The following RNF167 variants were observed in gnomAD, a reference collection of about 807,000 sequenced individuals.
The protein encoded by RNF167 is E3 ubiquitin-protein ligase RNF167.
RNF167 carries 19 observed loss-of-function variants against 34.8 expected under a neutral mutation model. The observed-to-expected ratio is 0.55, with a 90% CI of 0.38 to 0.80. The LOEUF is 0.80. Among genes scored for constraint, RNF167 ranks in the 30% least tolerant of loss-of-function variants. RNF167 has a pLI of 0.00. For synonymous variants in RNF167, 200 were observed against 170.4 expected, an observed-to-expected ratio of 1.17 and a Z score of -1.35; for missense variants, 464 against 447.0, an observed-to-expected ratio of 1.04 and a Z score of -0.34.
chr17:4,943,157 A>G, intron 6 of RNF167, 22 bp from the exon 7 acceptor site: 1 of 1,605,734 alleles, frequency 6.2e-7, no homozygotes, highest in Non-Finnish European at 8.5e-7. Flanking sequence ...CGCCCTGCTG[A>G]GACTGGTCAT....
rs1020397015 is a variant in RNF167, at chr17:4,944,869, C to T, written c.906C>T (p.His302=). The part of the protein sequence containing the change: ...EEGDEGEPRD[H]PASERTPLLG... ...GTGATGAAGGGGAGCCAAGGGACCA[C>T]CCTGCCTCAGAAAGGACCCCACTTT... is the stretch of plus-strand genomic sequence containing the variant. The change falls in exon 10 of 10, where the codon CAC becomes CAT. Residue 302 remains histidine (H), a synonymous_variant. Transcript: ENST00000262482. 6.2e-7 allele frequency: 1 copy of T among 1,613,948 alleles called. No homozygotes were observed. Among genetic ancestry groups the T allele is most frequent in the South Asian group, 1.1e-5 (1 of 91,064 alleles).
chr17:4,943,764 G>A (rs1411469111), intron 8 of RNF167, among the ~76,000 whole-genome samples: 1 of 152,172 alleles, frequency 6.6e-6, no homozygotes, highest in Non-Finnish European at 1.5e-5. Flanking sequence ...GGAGGCTGAG[G>A]CAAGTGGATC....
At chr17:4,944,262 C>T (rs900461321) in intron 8 of RNF167, 9 of 359,332 alleles carry the variant, frequency 2.5e-5, no homozygotes, top group African/African-American at 1.7e-4. Flanking sequence ...GCCCTGGGGC[C>T]TCCAGTGCCC....
chr17:4,943,818 A>AC (rs1971087784), intron 8 of RNF167, among the ~76,000 whole-genome samples: 1 of 151,966 alleles, frequency 6.6e-6, no homozygotes, highest in Non-Finnish European at 1.5e-5. Flanking sequence ...ATGTGGTGAG[A>AC]CCCCATCTCT....
Position 4,940,299 on chromosome 17 carries a change from G to C in RNF167, c.-485G>C, listed in dbSNP as rs1970652951. ...AGCAACTATTCAGCTGCGAGGGGAC[G>C]GGAGAGGTGGTGAGCACTCTCGCGA... On this transcript the variant is annotated 5_prime_UTR_variant, in exon 1 of 10. Coordinates refer to ENST00000262482, the MANE Select transcript of RNF167 (RefSeq NM_015528.3). The C allele has an allele frequency of 5.6e-6, 1 of 178,728 alleles. No individual in the cohort carries two copies. The highest frequency in any genetic ancestry group is 1.2e-5 in the Non-Finnish European group (1 of 86,936). 11.1% of individuals were successfully genotyped at this position (178,728 alleles called of 1,614,324 possible). A position where few individuals can be genotyped will look rare whatever the true frequency, so the allele number is the denominator to read the frequency against.
chr17:4,940,803 G>A lies in RNF167; in HGVS notation c.-107G>A. 1.9e-6 allele frequency: 2 copies of A among 1,030,110 alleles called. No homozygotes were observed. Among genetic ancestry groups the A allele is most frequent in the Non-Finnish European group, 2.7e-6 (2 of 728,510 alleles). The allele number at this position is 1,030,110 out of a possible 1,614,324, so 63.8% of individuals were successfully genotyped here. Reference sequence around the variant, plus strand: ...AGCTGGGAAGTGGGACCTGGGGGTGGTTGGACCCCTGGGATCCTAAAGGAG... The same window carrying A: ...AGCTGGGAAGTGGGACCTGGGGGTGATTGGACCCCTGGGATCCTAAAGGAG... On this transcript the variant is annotated 5_prime_UTR_variant, in exon 2 of 10. Coordinates refer to ENST00000262482, the MANE Select transcript of RNF167 (RefSeq NM_015528.3).
intron 5 of RNF167, 67 bp downstream of exon 5, chr17:4,942,731 G>A (rs1970949019): frequency 1.9e-6 from 3 of 1,591,986 alleles, no homozygotes; most frequent in South Asian, 2.2e-5. Context: ...AAGGCTGAAG[G>A]CCTCAGGAAA....
chr17:4,943,162 G>C lies in RNF167; in HGVS notation c.471-17G>C, dbSNP rs759169887. The C allele has an allele frequency of 6.2e-7, 1 of 1,607,412 alleles. No individual in the cohort carries two copies. Among genetic ancestry groups the C allele is most frequent in the South Asian group, 1.1e-5 (1 of 90,792 alleles). Reference sequence around the variant, plus strand: ...TTGCCTTTCTCGCCCTGCTGAGACTGGTCATCCTTTTCCCAGGGCTCGGGT... The same window carrying C: ...TTGCCTTTCTCGCCCTGCTGAGACTCGTCATCCTTTTCCCAGGGCTCGGGT... On this transcript the variant is annotated splice_polypyrimidine_tract_variant and intron_variant, in intron 6 of 9. Coordinates refer to ENST00000262482, the MANE Select transcript of RNF167 (RefSeq NM_015528.3).
chr17:4,944,371 GCTT>G, intron 8 of RNF167, 184 bp from the exon 9 acceptor site: 1 of 1,323,914 alleles, frequency 7.6e-7, no homozygotes, highest in Non-Finnish European at 9.7e-7. Context: ...TCTTACCTCT[GCTT>G]CTCTTTGCTT....
Position 4,941,056 on chromosome 17 carries a change from C to T in RNF167, c.85-21C>T, listed in dbSNP as rs1970745065. ...GGAAGGGTTGCAGGCTGAAGGGGAACATCGCCTTTTTTGTCCGCAGACCTC... is the reference window on the plus strand; with the variant it reads ...GGAAGGGTTGCAGGCTGAAGGGGAATATCGCCTTTTTTGTCCGCAGACCTC... On this transcript the variant is annotated intron_variant, in intron 2 of 9. Coordinates refer to ENST00000262482, the MANE Select transcript of RNF167 (RefSeq NM_015528.3). 9 of 1,614,096 alleles carry T rather than the reference C, an allele frequency of 5.6e-6. No homozygotes were observed. The East Asian group carries it at 2.0e-4, about 36-fold the overall frequency.
Position 4,942,900 on chromosome 17 carries a change from A to C in RNF167, c.429A>C (p.Arg143Ser). The change falls in exon 6 of 10, where the codon AGA (arginine) becomes AGC (serine). Residue 143 changes from arginine to serine, a missense_variant. Coordinates refer to ENST00000262482, the MANE Select transcript of RNF167 (RefSeq NM_015528.3). The part of the protein sequence containing the change: ...IWIPSVFIGE[R>S]SSEYLRALFV... ...TCCCGTCTGTATTTATTGGGGAGAG[A>C]AGCTCCGAGTACCTGCGTGCCCTCT... The C allele has an allele frequency of 6.2e-7, 1 of 1,614,100 alleles. No homozygotes were observed. Among genetic ancestry groups the C allele is most frequent in the South Asian group, 1.1e-5 (1 of 91,082 alleles).
At chr17:4,944,660 C>T (rs1971203140) in intron 9 of RNF167, 22 bp downstream of exon 9, 4 of 1,614,008 alleles carry the variant, frequency 2.5e-6, no homozygotes, top group South Asian at 1.1e-5. Context: ...ACTGCCTGCC[C>T]ATGCCCCTCT....
chr17:4,945,129 T>G lies in RNF167; in HGVS notation c.*113T>G. Reference sequence around the variant, plus strand: ...CCCAAGCTTCTCCCTTACCCACACCTATCCTTTTGAGGGGCTTTGGGGTGG... The same window carrying G: ...CCCAAGCTTCTCCCTTACCCACACCGATCCTTTTGAGGGGCTTTGGGGTGG... On this transcript the variant is annotated 3_prime_UTR_variant, in exon 10 of 10. Coordinates refer to ENST00000262482, the MANE Select transcript of RNF167 (RefSeq NM_015528.3). 3 of 976,880 alleles carry G rather than the reference T, an allele frequency of 3.1e-6. No homozygotes were observed. Among genetic ancestry groups the G allele is most frequent in the Non-Finnish European group, 4.4e-6 (3 of 680,968 alleles). 60.5% of individuals were successfully genotyped at this position (976,880 alleles called of 1,614,324 possible).
intron 3 of RNF167, among the ~76,000 whole-genome samples, chr17:4,941,833 C>G (rs1162207689): frequency 6.6e-6 from 1 of 152,104 alleles, no homozygotes; most frequent in African/African-American, 2.4e-5. Flanking sequence ...AGGAGAATCA[C>G]TTGAAACCGG....
rs1970729288 is a variant in RNF167, at chr17:4,940,920, C to T, written c.11C>T (p.Ala4Val). Residue 4 changes from alanine to valine, a missense_variant, in exon 2 of 10, where the codon GCA becomes GTA. Transcript: ENST00000262482. MHP[A>V]AFPLPVVVAA... Reference sequence around the variant, plus strand: ...TTTCCTCCCGCTGCCATGCACCCTGCAGCCTTCCCGCTTCCTGTGGTTGTG... The same window carrying T: ...TTTCCTCCCGCTGCCATGCACCCTGTAGCCTTCCCGCTTCCTGTGGTTGTG... 1 of 1,606,720 alleles carries T rather than the reference C, an allele frequency of 6.2e-7. No homozygotes were observed. Among genetic ancestry groups the T allele is most frequent in the Non-Finnish European group, 8.5e-7 (1 of 1,175,494 alleles).
At position 4,943,203 on chromosome 17, in the gene RNF167, C is replaced by CAATA; in HGVS notation, c.496_499dup (p.Thr167LysfsTer55). The CAATA allele has an allele frequency of 6.2e-7, 1 of 1,614,130 alleles. No individual in the cohort carries two copies. Among genetic ancestry groups the CAATA allele is most frequent in the Admixed American group, 1.7e-5 (1 of 60,010 alleles). ...GGGCTCGGGTGCTTCTGGTTCCAGA[C>CAATA]AATACCTTCCCCTTGGGCTATTACC... On this transcript the variant is annotated frameshift_variant, in exon 7 of 10. Coordinates refer to ENST00000262482, the MANE Select transcript of RNF167 (RefSeq NM_015528.3). LOFTEE classifies it high-confidence loss of function.
Position 4,944,595 on chromosome 17 carries a change from A to G in RNF167, c.708A>G (p.Glu236=), listed in dbSNP as rs957035897. ...QYDVCAICLD[E]YEDGDKLRVL... ...ATGTCTGTGCCATTTGCCTGGATGA[A>G]TATGAGGATGGGGACAAGCTGCGGG... Residue 236 remains glutamate, a synonymous_variant, in exon 9 of 10, where the codon GAA becomes GAG. Transcript: ENST00000262482. 10 of 1,610,038 alleles carry G rather than the reference A, an allele frequency of 6.2e-6. No individual in the cohort carries two copies. Among genetic ancestry groups the G allele is most frequent in the Admixed American group, 5.1e-5 (3 of 59,090 alleles).
chr17:4,940,861 C>A lies in RNF167; in HGVS notation c.-49C>A. On this transcript the variant is annotated 5_prime_UTR_variant, in exon 2 of 10. Transcript: ENST00000262482. ...GAGGGCGCAGAACTCCGCTTCTGCT[C>A]CTTGCTACCAGGACGCGCGGCCTCC... 2 of 1,503,508 alleles carry A rather than the reference C, an allele frequency of 1.3e-6. No individual in the cohort carries two copies. The highest frequency in any genetic ancestry group is 2.6e-5 in the South Asian group (2 of 76,332). The allele number at this position is 1,503,508 out of a possible 1,614,324, so 93.1% of individuals were successfully genotyped here. A position where few individuals can be genotyped will look rare whatever the true frequency, so the allele number is the denominator to read the frequency against.
Position 4,944,540 on chromosome 17 carries a change from A to C in RNF167, c.671-18A>C. On this transcript the variant is annotated intron_variant, in intron 8 of 9. Coordinates refer to ENST00000262482, the MANE Select transcript of RNF167 (RefSeq NM_015528.3). ...TTGTGGCTCAGTGAAGGACTAGATTATTTTCTTTCTGTCCCAGGAGACCAG... is the reference window on the plus strand; with the variant it reads ...TTGTGGCTCAGTGAAGGACTAGATTCTTTTCTTTCTGTCCCAGGAGACCAG... The C allele has an allele frequency of 6.4e-7, 1 of 1,560,134 alleles. No individual in the cohort carries two copies. The highest frequency in any genetic ancestry group is 8.7e-7 in the Non-Finnish European group (1 of 1,152,586).
Sources: allele counts gnomAD v4.1 joint callset (sites outside exome capture counted in the v4.1 genomes callset), GRCh38; gene constraint gnomAD v4.1.1; transcripts MANE v1.5; gene names NCBI Gene and HGNC (gene_info 2026-07-23, HGNC 2026-07-21).